NAGA: variants seen among roughly 807,000 people sequenced by gnomAD.
NAGA encodes the protein Acetylgalactosaminidase, alpha-N- (alpha-galactosidase B).
Under a neutral mutation model 45.6 loss-of-function variants are expected in NAGA, and 42 were observed. The observed-to-expected ratio is 0.92, with a 90% CI of 0.72 to 1.19. The LOEUF (loss-of-function observed/expected upper bound fraction) is 1.19, where lower values mean the gene tolerates loss of function less well. Among genes scored for constraint, NAGA ranks in the 50% most tolerant of loss-of-function variants. NAGA has a pLI of 0.00. For missense variants in NAGA, 493 were observed against 544.8 expected (o/e 0.90, Z 0.95); for synonymous variants, 176 against 203.1 (o/e 0.87, Z 1.13).
intron 7 of NAGA, among the ~76,000 whole-genome samples, chr22:42,061,286 G>A (rs956784129): frequency 2.0e-5 from 3 of 152,282 alleles, no homozygotes; most frequent in East Asian, 1.9e-4. Flanking sequence ...CTCTGAGCCC[G>A]GCCCCTATGC....
In NAGA at chr22:42,059,721, A is replaced by G. The variant is rs1169087681; in HGVS notation, c.*558T>C. On this transcript the variant is annotated 3_prime_UTR_variant, in exon 9 of 9. Transcript: ENST00000396398. ...ATCCAGCACCCCGTGTAGTGCCACC[A>G]GAGTCCCTAACTAAAGGTACCCCAG... 1 of 163,388 alleles carries G rather than the reference A, an allele frequency of 6.1e-6. No individual in the cohort carries two copies. Among genetic ancestry groups the G allele is most frequent in the East Asian group, 1.7e-4 (1 of 5,872 alleles). 10.1% of individuals were successfully genotyped at this position (163,388 alleles called of 1,614,324 possible).
In NAGA at chr22:42,060,186, G is replaced by A; in HGVS notation, c.*93C>T. The stretch of plus-strand genomic sequence containing the variant: ...GGGTCAGTCACCGAGCAGGCCTGGG[G>A]AGCAGAGAACCTCCCCACTTGCCCT... On this transcript the variant is annotated 3_prime_UTR_variant, in exon 9 of 9. Transcript: ENST00000396398. The A allele has an allele frequency of 1.3e-6, 2 of 1,538,170 alleles. No individual in the cohort carries two copies. The highest frequency in any genetic ancestry group is 2.2e-5 in the East Asian group (1 of 44,456).
intron 4 of NAGA, 103 bp downstream of exon 4, chr22:42,067,010 C>T: frequency 6.5e-7 from 1 of 1,542,132 alleles, no homozygotes; most frequent in Non-Finnish European, 8.9e-7. Flanking sequence ...CCCCTAACCC[C>T]TGGGTAGGGG....
Position 42,060,194 on chromosome 22 carries a change from A to G in NAGA, c.*85T>C, listed in dbSNP as rs1380818015. On this transcript the variant is annotated 3_prime_UTR_variant, in exon 9 of 9. Coordinates refer to ENST00000396398, the MANE Select transcript of NAGA (RefSeq NM_000262.3). ...CACCGAGCAGGCCTGGGGAGCAGAG[A>G]ACCTCCCCACTTGCCCTGGGCATGC... The G allele has an allele frequency of 2.6e-6, 4 of 1,550,254 alleles. No homozygotes were observed. The Admixed American group carries it at 6.7e-5, about 26-fold the overall frequency.
chr22:42,067,317 C>T, intron 3 of NAGA, 27 bp from the exon 4 acceptor site: 11 of 1,613,394 alleles, frequency 6.8e-6, no homozygotes, highest in Non-Finnish European at 9.3e-6. Context: ...ACACAGTGGG[C>T]TCAAGCAGGA....
rs757584120 is a variant in NAGA at position 42,068,417 on chromosome 22, G to A, written c.152+22C>T. On this transcript the variant is annotated intron_variant, in intron 2 of 8. Transcript: ENST00000396398. ...GCAGGGCCCTGGGCAAGGCTCATCA[G>A]GTGAGTGTGGACCTTACTCACCTTA... 2.5e-6 allele frequency: 4 copies of A among 1,614,132 alleles called. No individual in the cohort carries two copies. In the South Asian group the frequency reaches 4.4e-5, roughly 18 times the overall value.
chr22:42,070,326 AC>A lies in NAGA; in HGVS notation c.-30del. 6.2e-7 allele frequency: 1 copy of A among 1,613,970 alleles called. No homozygotes were observed. Among genetic ancestry groups the A allele is most frequent in the South Asian group, 1.1e-5 (1 of 91,062 alleles). Reference sequence around the variant, plus strand: ...TCTGGACTCAGCTTCCGAGGACCTGACCAGATCTGGTCTGCGTGTATCAGCT... The same window carrying A: ...TCTGGACTCAGCTTCCGAGGACCTGACAGATCTGGTCTGCGTGTATCAGCT... On this transcript the variant is annotated 5_prime_UTR_variant, in exon 1 of 9. The change creates a premature stop within an existing upstream ORF in the 5' untranslated region. Coordinates refer to ENST00000396398, the MANE Select transcript of NAGA (RefSeq NM_000262.3).
In NAGA at chr22:42,066,713, T is replaced by TG. The variant is rs1190895301; in HGVS notation, c.593dup (p.Arg199LysfsTer16). ...GGCAGGGGGCAGAATGGCTTACCCTTGGGGGGAGGCCGCCTTCATAGGCTG... is the reference window on the plus strand; with the variant it reads ...GGCAGGGGGCAGAATGGCTTACCCTTGGGGGGGAGGCCGCCTTCATAGGCTG... On this transcript the variant is annotated frameshift_variant, in exon 5 of 9. Transcript: ENST00000396398. LOFTEE classifies it high-confidence loss of function. 1.9e-6 allele frequency: 3 copies of TG among 1,597,462 alleles called. No homozygotes were observed. The highest frequency in any genetic ancestry group is 2.6e-6 in the Non-Finnish European group (3 of 1,172,426).
intron 1 of NAGA, among the ~76,000 whole-genome samples, chr22:42,069,967 C>T (rs763635401): frequency 5.9e-5 from 9 of 152,220 alleles, no homozygotes; most frequent in Non-Finnish European, 1.3e-4. Context: ...TAAGTGAGAC[C>T]TTTCCCCCTC....
chr22:42,067,338 G>T (rs201094546), intron 3 of NAGA, 48 bp from the exon 4 acceptor site: 2 of 1,607,286 alleles, frequency 1.2e-6, no homozygotes, highest in African/African-American at 2.7e-5. Flanking sequence ...CCCTCAAGGA[G>T]CCTCCTCAAG....
At chr22:42,062,579 T>G (rs1703860082) in intron 7 of NAGA, among the ~76,000 whole-genome samples, 1 of 152,200 alleles carries the variant, frequency 6.6e-6, no homozygotes, top group South Asian at 2.1e-4. Context: ...CTTATGTGGC[T>G]GACACCTCTC....
intron 7 of NAGA, among the ~76,000 whole-genome samples, chr22:42,061,481 G>A (rs992431355): frequency 2.0e-5 from 3 of 152,230 alleles, no homozygotes; most frequent in Admixed American, 2.0e-4. Flanking sequence ...TTCCAGGAGG[G>A]TGGAGAGTGG....
intron 3 of NAGA, 44 bp from the exon 4 acceptor site, chr22:42,067,334 A>G: frequency 6.2e-7 from 1 of 1,610,390 alleles, no homozygotes; most frequent in Admixed American, 1.7e-5. Context: ...AGGACCCTCA[A>G]GGAGCCTCCT....
chr22:42,066,592 G>A (rs1926743584), intron 5 of NAGA, 118 bp downstream of exon 5: 2 of 934,208 alleles, frequency 2.1e-6, no homozygotes, highest in Non-Finnish European at 3.3e-6. Flanking sequence ...CACCATATGG[G>A]CACCTGTGGT....
chr22:42,065,713 G>T (rs750383599), intron 6 of NAGA, 25 bp downstream of exon 6: 1 of 1,612,996 alleles, frequency 6.2e-7, no homozygotes. Flanking sequence ...GGTGGGCCTA[G>T]GGACATCCCC....
At chr22:42,065,531 C>T (rs1412809280) in intron 6 of NAGA, among the ~76,000 whole-genome samples, 1 of 152,200 alleles carries the variant, frequency 6.6e-6, no homozygotes, top group African/African-American at 2.4e-5. Flanking sequence ...TGTTCTTCCC[C>T]TGAACATTGT....
rs912443486 is a variant in NAGA at position 42,070,489 on chromosome 22, T to G, written c.-192A>C. The G allele has an allele frequency of 2.9e-6, 2 of 690,980 alleles. No individual in the cohort carries two copies. The highest frequency in any genetic ancestry group is 5.3e-6 in the Non-Finnish European group (2 of 377,940). The allele number at this position is 690,980 out of a possible 1,614,324, so 42.8% of individuals were successfully genotyped here. On this transcript the variant is annotated 5_prime_UTR_variant, in exon 1 of 9. An upstream start codon of the reference 5' UTR is lost. Transcript: ENST00000396398. ...AAGTTGCCCGCCCCATCCCCAGCCA[T>G]CACTTCCCGGAGCTTCAGTTCTTCC...
At chr22:42,060,712 T>C (rs1199238060) in intron 8 of NAGA, among the ~76,000 whole-genome samples, 1 of 152,234 alleles carries the variant, frequency 6.6e-6, no homozygotes, top group Non-Finnish European at 1.5e-5. Context: ...TTCATATTTA[T>C]ATGCAGTAGT....
At chr22:42,066,663 G>A (rs2146842664) in intron 5 of NAGA, 47 bp downstream of exon 5, 1 of 1,519,602 alleles carries the variant, frequency 6.6e-7, no homozygotes, top group Admixed American at 1.9e-5. Context: ...GAGGTAAGGA[G>A]GCCTGGGTGT....
Sources: gnomAD v4.1 joint callset for allele counts (sites outside exome capture counted in the v4.1 genomes callset) on GRCh38, gnomAD v4.1.1 for gene constraint, MANE v1.5 for transcripts, NCBI Gene and HGNC (gene_info 2026-07-23, HGNC 2026-07-21) for gene names.